Variants in ARHGAP31 observed in about 807,000 individuals in gnomAD.
ARHGAP31 encodes Rho GTPase activating protein 31.
In ARHGAP31, 34 loss-of-function variants were observed where a neutral mutation model predicts 113.9. The observed-to-expected ratio is 0.30, with a 90% CI of 0.23 to 0.40. The LOEUF is 0.40. Ranked by LOEUF, ARHGAP31 falls within the 10% of genes least tolerant of loss-of-function variation. ARHGAP31 has a pLI of 1.00. For synonymous variants in ARHGAP31, 650 were observed against 684.8 expected (o/e 0.95, Z 0.79); for missense variants, 1,548 against 1,767.1 (o/e 0.88, Z 2.22).
At chr3:119,323,160 G>A (rs1014529448) in intron 1 of ARHGAP31, among the ~76,000 whole-genome samples, 2 of 152,140 alleles carry the variant, frequency 1.3e-5, no homozygotes, top group Admixed American at 6.5e-5. Context: ...GGACTCACAC[G>A]CTGCGGCGAC....
chr3:119,301,893 C>G (rs1308392360), intron 1 of ARHGAP31, among the ~76,000 whole-genome samples: 1 of 152,166 alleles, frequency 6.6e-6, no homozygotes, highest in African/African-American at 2.4e-5. Flanking sequence ...CAGAACAGAC[C>G]ACACTTGCTC....
intron 1 of ARHGAP31, among the ~76,000 whole-genome samples, chr3:119,318,220 T>C (rs1185581644): frequency 6.6e-6 from 1 of 152,150 alleles, no homozygotes; most frequent in Non-Finnish European, 1.5e-5. Flanking sequence ...CAGTGAGCTA[T>C]GATTGCACCA....
chr3:119,307,454 A>C (rs1421767099), intron 1 of ARHGAP31, among the ~76,000 whole-genome samples: 1 of 152,194 alleles, frequency 6.6e-6, no homozygotes, highest in Non-Finnish European at 1.5e-5. Flanking sequence ...AAAGCTGAGA[A>C]CAAATATTCC....
intron 11 of ARHGAP31, among the ~76,000 whole-genome samples, chr3:119,411,216 G>C (rs2080713653): frequency 2.0e-5 from 3 of 152,160 alleles, no homozygotes; most frequent in Admixed American, 2.0e-4. Flanking sequence ...CAATGGGAAA[G>C]CATATGAGGT....
In ARHGAP31 at chr3:119,311,732, G is replaced by A. The variant is rs58452475; in HGVS notation, c.100+16728G>A. ...GGCATTGGATCAGCTGGGACACTGG[G>A]AGGAACAGGTATTATCTGTCCTGGG... On this transcript the variant is annotated intron_variant, in intron 1 of 11. Transcript: ENST00000264245. Among the ~76,000 whole-genome samples, 1,514 of 152,328 alleles carry A rather than the reference G, an allele frequency of 9.9e-3. 23 individuals carry two copies. The highest frequency in any genetic ancestry group is 0.035 in the African/African-American group (1,455 of 41,568).
At chr3:119,342,183 G>A (rs574860747) in intron 1 of ARHGAP31, among the ~76,000 whole-genome samples, 1 of 152,098 alleles carries the variant, frequency 6.6e-6, no homozygotes, top group East Asian at 1.9e-4. Context: ...TGTGTGTTAT[G>A]GTTGTGTGAG....
intron 1 of ARHGAP31, among the ~76,000 whole-genome samples, chr3:119,357,465 G>C (rs546972864): frequency 2.3e-4 from 35 of 152,160 alleles, no homozygotes; most frequent in Non-Finnish European, 2.9e-4. Context: ...AGACTGGCAG[G>C]GGGGAGTGTG....
intron 10 of ARHGAP31, among the ~76,000 whole-genome samples, chr3:119,405,112 A>G (rs1410867569): frequency 6.6e-6 from 1 of 152,226 alleles, no homozygotes; most frequent in Non-Finnish European, 1.5e-5. Flanking sequence ...AAGAACTTAC[A>G]ATAGAATTCT....
chr3:119,415,864 C>G lies in ARHGAP31; in HGVS notation c.3935C>G (p.Ser1312Ter). The G allele has an allele frequency of 6.2e-7, 1 of 1,614,228 alleles. No individual in the cohort carries two copies. The highest frequency in any genetic ancestry group is 8.5e-7 in the Non-Finnish European group (1 of 1,180,054). ...GTAGTGCAATGCAGAAAGCGCATGT[C>G]AGAGACAGAGCCATCTGGGGACAAC... is the stretch of plus-strand genomic sequence containing the variant. The part of the protein sequence containing the change: ...DAVVQCRKRM[S>*]ETEPSGDNLL... The change falls in exon 12 of 12, where the codon TCA (serine) becomes TGA (stop). Residue 1312 changes from serine to a stop codon, truncating the protein, a stop_gained. Coordinates refer to ENST00000264245, the MANE Select transcript of ARHGAP31 (RefSeq NM_020754.4). LOFTEE classifies it high-confidence loss of function.
At position 119,390,950 on chromosome 3, in the gene ARHGAP31, T is replaced by A. The variant is rs773314411; in HGVS notation, c.848T>A (p.Leu283His). Residue 283 changes from leucine to histidine, a missense_variant, in exon 7 of 12, where the codon CTC (leucine) becomes CAC (histidine). Leu to His is a moderately conservative substitution (Grantham distance 99). Coordinates refer to ENST00000264245, the MANE Select transcript of ARHGAP31 (RefSeq NM_020754.4). ...GAGATTGTCCCTCCCATGGGCACCC[T>A]CTTCCACACTGTCCTTGAGTTACCA... is the stretch of plus-strand genomic sequence containing the variant. ...LPEIVPPMGTLFHTVLELPDN... is the reference protein window; with the variant it reads ...LPEIVPPMGTHFHTVLELPDN... The A allele has an allele frequency of 4.7e-5, 76 of 1,614,058 alleles. No individual in the cohort carries two copies. Among genetic ancestry groups the A allele is most frequent in the Non-Finnish European group, 6.2e-5 (73 of 1,180,054 alleles).
At chr3:119,365,502 A>G in intron 2 of ARHGAP31, 84 bp downstream of exon 2, 1 of 1,244,258 alleles carries the variant, frequency 8.0e-7, no homozygotes, top group East Asian at 2.4e-5. Flanking sequence ...CCAGAGTATT[A>G]AAAACCCAAA....
intron 6 of ARHGAP31, among the ~76,000 whole-genome samples, chr3:119,389,825 A>C (rs1172944576): frequency 6.6e-6 from 1 of 152,232 alleles, no homozygotes; most frequent in Non-Finnish European, 1.5e-5. Flanking sequence ...CCAAAAACTA[A>C]ATAGAAGCAA....
chr3:119,325,096 T>C, intron 1 of ARHGAP31: 1 of 370,954 alleles, frequency 2.7e-6, no homozygotes, highest in Non-Finnish European at 5.5e-6. Flanking sequence ...TATCTTCAAG[T>C]CACAGAATCA....
At chr3:119,382,466 G>A (rs2080410186) in intron 5 of ARHGAP31, 67 bp downstream of exon 5, 1 of 1,459,702 alleles carries the variant, frequency 6.9e-7, no homozygotes, top group Non-Finnish European at 9.5e-7. Flanking sequence ...TTGAAATGAA[G>A]ATTGGATTCT....
At position 119,294,738 on chromosome 3, in the gene ARHGAP31, G is replaced by A. The variant is rs1335473721; in HGVS notation, c.-167G>A. The A allele has an allele frequency of 1.5e-6, 1 of 676,906 alleles. No individual in the cohort carries two copies. The highest frequency in any genetic ancestry group is 1.8e-5 in the African/African-American group (1 of 55,894). The allele number at this position is 676,906 out of a possible 1,614,324, so 41.9% of individuals were successfully genotyped here. A position where few individuals can be genotyped will look rare whatever the true frequency, so the allele number is the denominator to read the frequency against. On this transcript the variant is annotated 5_prime_UTR_variant, in exon 1 of 12. Coordinates refer to ENST00000264245, the MANE Select transcript of ARHGAP31 (RefSeq NM_020754.4). ...TGGATCTCAGGCTCTGCCGGCCCGC[G>A]GCCCGCGGGGTCCATGCGCAGGGCC...
chr3:119,353,214 C>A (rs2080125897), intron 1 of ARHGAP31, among the ~76,000 whole-genome samples: 1 of 152,116 alleles, frequency 6.6e-6, no homozygotes, highest in Non-Finnish European at 1.5e-5. Context: ...CTCAGCACTC[C>A]CCAACGTGGT....
At chr3:119,380,825 C>A in intron 3 of ARHGAP31, 79 bp from the exon 4 acceptor site, 1 of 1,238,758 alleles carries the variant, frequency 8.1e-7, no homozygotes, top group Non-Finnish European at 1.2e-6. Context: ...AGTATGAGGG[C>A]TTGAGTGATC....
At chr3:119,300,868 AAG>A (rs2079578072) in intron 1 of ARHGAP31, among the ~76,000 whole-genome samples, 1 of 147,076 alleles carries the variant, frequency 6.8e-6, no homozygotes, top group South Asian at 2.2e-4. Flanking sequence ...GAAAGAAAGA[AAG>A]AAAGACACAG....
At chr3:119,342,707 G>A (rs1289369721) in intron 1 of ARHGAP31, among the ~76,000 whole-genome samples, 1 of 152,178 alleles carries the variant, frequency 6.6e-6, no homozygotes, top group Non-Finnish European at 1.5e-5. Flanking sequence ...CCCAGCGCTT[G>A]GGGAGGCCAA....
Sources: allele counts gnomAD v4.1 joint callset (sites outside exome capture counted in the v4.1 genomes callset), GRCh38; gene constraint gnomAD v4.1.1; transcripts MANE v1.5; gene names NCBI Gene and HGNC (gene_info 2026-07-23, HGNC 2026-07-21).